INTS14: variants seen among roughly 807,000 people sequenced by gnomAD.
INTS14 encodes the protein integrator complex subunit 14.
Under a neutral mutation model 56.9 loss-of-function variants are expected in INTS14, and 27 were observed. That is an observed-to-expected ratio of 0.47 (90% CI 0.35 to 0.65). INTS14 has a LOEUF of 0.65. Among genes scored for constraint, INTS14 ranks in the 30% least tolerant of loss-of-function variants. The pLI, the probability that INTS14 is intolerant of heterozygous loss-of-function variation, is 0.00. For synonymous variants in INTS14, 207 were observed against 236.2 expected (o/e 0.88, Z 1.13); for missense variants, 517 against 632.2 (o/e 0.82, Z 1.95).
intron 8 of INTS14, among the ~76,000 whole-genome samples, chr15:65,593,082 C>G (rs1460928485): frequency 6.7e-6 from 1 of 149,182 alleles, no homozygotes; most frequent in Non-Finnish European, 1.5e-5. Context: ...CAGTGAGACC[C>G]CACTTCTATA....
At chr15:65,599,134 C>T (rs2073333443) in intron 4 of INTS14, 144 bp from the exon 5 acceptor site, 2 of 599,344 alleles carry the variant, frequency 3.3e-6, no homozygotes, top group Middle Eastern at 2.6e-4. Context: ...AAGAAAATAA[C>T]AACAACAATT....
chr15:65,599,268 A>T (rs185833522), intron 4 of INTS14: 21 of 268,012 alleles, frequency 7.8e-5, no homozygotes, highest in Admixed American at 1.6e-4. Context: ...TCTTCCCTCC[A>T]AAGTGTTTCT....
chr15:65,602,660 C>G (rs1596263625), intron 3 of INTS14, among the ~76,000 whole-genome samples: 1 of 151,358 alleles, frequency 6.6e-6, no homozygotes, highest in East Asian at 1.9e-4. Flanking sequence ...ACCACCTCTA[C>G]TACAATGTTT....
Position 65,591,727 on chromosome 15 carries a change from C to T in INTS14, c.991G>A (p.Glu331Lys). ...GMVAIVQLGP[E>K]WHGMLYSQAD... ...TGGGAGTAGAGCATTCCATGCCATT[C>T]AGGACTAGATGGAGAGAAGACGGAA... The change falls in exon 9 of 12, where the codon GAA (glutamate) becomes AAA (lysine). Residue 331 changes from glutamate to lysine, a missense_variant. Physicochemically the swap from Glu to Lys is moderately conservative, Grantham distance 56 (BLOSUM62 1). Transcript: ENST00000313182. 6.2e-7 allele frequency: 1 copy of T among 1,613,974 alleles called. No individual in the cohort carries two copies. Among genetic ancestry groups the T allele is most frequent in the Non-Finnish European group, 8.5e-7 (1 of 1,179,970 alleles).
At chr15:65,581,532 AGT>A (rs1336975473) in intron 11 of INTS14, among the ~76,000 whole-genome samples, 3 of 125,576 alleles carry the variant, frequency 2.4e-5, no homozygotes, top group East Asian at 2.8e-4. Flanking sequence ...TGGGCAACAG[AGT>A]GTGACTCCAT....
intron 2 of INTS14, 71 bp downstream of exon 2, chr15:65,607,088 C>G (rs1421247648): frequency 6.5e-7 from 1 of 1,534,270 alleles, no homozygotes. Context: ...AAATATTCAA[C>G]GCATTATAAC....
chr15:65,594,463 G>A (rs965679662), intron 7 of INTS14, among the ~76,000 whole-genome samples: 12 of 150,910 alleles, frequency 8.0e-5, no homozygotes, highest in African/African-American at 2.9e-4. Context: ...CGCGATCTCG[G>A]CTCACTGCAA....
At chr15:65,590,959 G>T (rs553647183) in intron 9 of INTS14, among the ~76,000 whole-genome samples, 1 of 152,192 alleles carries the variant, frequency 6.6e-6, no homozygotes, top group East Asian at 1.9e-4. Context: ...AGCTGAGCTT[G>T]AGACTGTGAC....
intron 4 of INTS14, 123 bp downstream of exon 4, chr15:65,599,651 A>C (rs1309670193): frequency 2.8e-6 from 3 of 1,083,606 alleles, no homozygotes; most frequent in African/African-American, 3.2e-5. Context: ...TACCAGCCTC[A>C]GCTGAAACCA....
chr15:65,598,841 G>T, intron 5 of INTS14, 31 bp downstream of exon 5: 1 of 1,507,880 alleles, frequency 6.6e-7, no homozygotes, highest in Non-Finnish European at 9.1e-7. Context: ...GGATTGTAAA[G>T]AAGGCAAAAG....
chr15:65,595,938 C>T (rs2073196079), intron 6 of INTS14, 113 bp from the exon 7 acceptor site: 2 of 728,042 alleles, frequency 2.7e-6, no homozygotes, highest in Non-Finnish European at 2.2e-6. Context: ...AATATGATGA[C>T]TGGGAAAGTT....
At chr15:65,601,154 C>T (rs1221820505) in intron 3 of INTS14, among the ~76,000 whole-genome samples, 4 of 152,182 alleles carry the variant, frequency 2.6e-5, no homozygotes, top group Non-Finnish European at 4.4e-5. Context: ...CTTTAAAACG[C>T]ATTCTTAACC....
At chr15:65,589,987 TG>T (rs2072965732) in intron 9 of INTS14, among the ~76,000 whole-genome samples, 1 of 152,296 alleles carries the variant, frequency 6.6e-6, no homozygotes, top group East Asian at 1.9e-4. Context: ...CTCTTCTCTC[TG>T]TATTATCTAT....
At position 65,593,484 on chromosome 15, in the gene INTS14, A is replaced by G; in HGVS notation, c.930T>C (p.Cys310=). The change falls in exon 8 of 12, where the codon TGT becomes TGC. Residue 310 remains cysteine, a synonymous_variant. Coordinates refer to ENST00000313182, the MANE Select transcript of INTS14 (RefSeq NM_001394796.1). Reference sequence around the variant, plus strand: ...CTTTTAGGCTACCATGGAGCAGGACACAAAAGTTGGGTATTTTGCCTGCAA... The same window carrying G: ...CTTTTAGGCTACCATGGAGCAGGACGCAAAAGTTGGGTATTTTGCCTGCAA... The part of the protein sequence containing the change: ...NQIAGKIPNF[C]VLLHGSLKVE... The G allele has an allele frequency of 6.2e-7, 1 of 1,613,962 alleles. No homozygotes were observed. The highest frequency in any genetic ancestry group is 1.3e-5 in the African/African-American group (1 of 75,058).
chr15:65,586,201 TA>T (rs1379053272), intron 9 of INTS14, among the ~76,000 whole-genome samples: 1 of 152,248 alleles, frequency 6.6e-6, no homozygotes, highest in East Asian at 1.9e-4. Flanking sequence ...GAATAAAGAA[TA>T]TTTATTAAGT....
intron 8 of INTS14, among the ~76,000 whole-genome samples, chr15:65,592,468 C>T (rs2073063957): frequency 6.6e-6 from 1 of 152,096 alleles, no homozygotes; most frequent in Non-Finnish European, 1.5e-5. Context: ...TAAAAGCTAA[C>T]GGGGTTTCCT....
intron 8 of INTS14, 118 bp from the exon 9 acceptor site, chr15:65,591,849 C>T: frequency 1.7e-6 from 2 of 1,203,496 alleles, no homozygotes; most frequent in South Asian, 1.7e-5. Flanking sequence ...AAATCAGGCA[C>T]ACTACTTTTA....
chr15:65,594,157 T>C (rs1174248474), intron 7 of INTS14, among the ~76,000 whole-genome samples: 1 of 152,204 alleles, frequency 6.6e-6, no homozygotes, highest in Admixed American at 6.5e-5. Context: ...AGCACATGCA[T>C]GTGAGTCCCC....
chr15:65,585,741 G>A (rs985734093), intron 9 of INTS14, among the ~76,000 whole-genome samples: 4 of 152,138 alleles, frequency 2.6e-5, no homozygotes, highest in African/African-American at 9.7e-5. Flanking sequence ...CAAGTTCAGA[G>A]AACTTAAATC....
Sources: gnomAD v4.1 joint callset for allele counts (sites outside exome capture counted in the v4.1 genomes callset) on GRCh38, gnomAD v4.1.1 for gene constraint, MANE v1.5 for transcripts, NCBI Gene and HGNC (gene_info 2026-07-23, HGNC 2026-07-21) for gene names.